MIR2052HG: variants seen among roughly 807,000 people sequenced by gnomAD.
MIR2052HG encodes MIR2052 host gene.
chr8:74,602,826 TTTC>T (rs1808028284), intron 1 of MIR2052HG, among the ~76,000 whole-genome samples: 1 of 127,408 alleles, frequency 7.8e-6, no homozygotes, highest in African/African-American at 3.1e-5. Context: ...TGTTTCTTTC[TTTC>T]TTTCTTTCTT....
intron 4 of MIR2052HG, among the ~76,000 whole-genome samples, chr8:74,748,989 G>A (rs1809915326): frequency 6.6e-6 from 1 of 152,004 alleles, no homozygotes; most frequent in South Asian, 2.1e-4. Context: ...GTGAAACCTG[G>A]GAAGATAATT....
intron 4 of MIR2052HG, among the ~76,000 whole-genome samples, chr8:74,721,578 C>T (rs1586923371): frequency 6.6e-6 from 1 of 152,308 alleles, no homozygotes; most frequent in East Asian, 1.9e-4. Flanking sequence ...ACATGGCTTT[C>T]ATCTGTCAGG....
intron 1 of MIR2052HG, among the ~76,000 whole-genome samples, chr8:74,605,101 T>C (rs1808092202): frequency 2.0e-5 from 3 of 152,212 alleles, no homozygotes; most frequent in South Asian, 4.1e-4. Flanking sequence ...TGTTGCACCC[T>C]AACTTCATTT....
At chr8:74,647,388 A>T (rs1808700239) in intron 2 of MIR2052HG, among the ~76,000 whole-genome samples, 1 of 152,248 alleles carries the variant, frequency 6.6e-6, no homozygotes, top group Admixed American at 6.5e-5. Flanking sequence ...TTGAGGCTCA[A>T]ATAAGTGATG....
At chr8:74,751,062 G>T (rs1440860158) in intron 4 of MIR2052HG, among the ~76,000 whole-genome samples, 5 of 152,090 alleles carry the variant, frequency 3.3e-5, no homozygotes, top group Admixed American at 3.3e-4. Context: ...TTGCAAATTT[G>T]CCCACTCATT....
intron 2 of MIR2052HG, among the ~76,000 whole-genome samples, chr8:74,660,799 A>G (rs968721109): frequency 1.5e-5 from 2 of 135,474 alleles, no homozygotes; most frequent in African/African-American, 3.0e-5. Context: ...TCTTCCTAAG[A>G]GCCCTGAAAT....
intron 5 of MIR2052HG, chr8:74,756,835 AG>A (rs1405536394): frequency 2.0e-5 from 3 of 152,346 alleles, no homozygotes; most frequent in African/African-American, 7.2e-5. Context: ...CCCCAACCCC[AG>A]CACCTAGTAT....
At chr8:74,719,849 C>CTTTTTTTTTTTTTTTTTTTTTTTTTTTTT (rs10647233) in intron 4 of MIR2052HG, among the ~76,000 whole-genome samples, 1 of 106,718 alleles carries the variant, frequency 9.4e-6, no homozygotes, top group Non-Finnish European at 1.8e-5. Context: ...TTTCTTTTTT[C>CTTTTTTTTTTTTTTTTTTTTTTTTTTTTT]TTTTTTTTTT....
intron 2 of MIR2052HG, among the ~76,000 whole-genome samples, chr8:74,644,611 C>G (rs1055700410): frequency 6.6e-6 from 1 of 152,086 alleles, no homozygotes; most frequent in Non-Finnish European, 1.5e-5. Context: ...CCACTTGTCA[C>G]CGGGCACAGT....
chr8:74,735,162 A>G (rs139348073), intron 4 of MIR2052HG, among the ~76,000 whole-genome samples: 5 of 152,336 alleles, frequency 3.3e-5, no homozygotes, highest in African/African-American at 1.2e-4. Context: ...GATGAAACAC[A>G]ATGTAATGTT....
chr8:74,709,584 G>A (rs1809446720), intron 4 of MIR2052HG, among the ~76,000 whole-genome samples: 1 of 151,734 alleles, frequency 6.6e-6, no homozygotes, highest in Non-Finnish European at 1.5e-5. Flanking sequence ...TCTTCATTGG[G>A]GCAATATCTT....
intron 2 of MIR2052HG, among the ~76,000 whole-genome samples, chr8:74,675,468 A>G (rs780232541): frequency 3.9e-5 from 6 of 152,084 alleles, no homozygotes; most frequent in African/African-American, 7.2e-5. Flanking sequence ...ATACTCTGCC[A>G]TCTTATGTAA....
chr8:74,650,582 TGC>T (rs1380311470), intron 2 of MIR2052HG, among the ~76,000 whole-genome samples: 1 of 152,142 alleles, frequency 6.6e-6, no homozygotes, highest in Non-Finnish European at 1.5e-5. Context: ...TTCTGTGTGG[TGC>T]GATAGATGAG....
intron 4 of MIR2052HG, among the ~76,000 whole-genome samples, chr8:74,729,791 G>T (rs1441626715): frequency 6.6e-6 from 1 of 152,116 alleles, no homozygotes; most frequent in Non-Finnish European, 1.5e-5. Flanking sequence ...TAAAGATATT[G>T]TCAGCTTCCT....
rs71565409 is a variant in MIR2052HG, at chr8:74,733,049, C to CATTTATTT, written n.372-19359_372-19352dup. ...ACCTAATCAGAGACCAATTAGGAGA[C>CATTTATTT]ATTTATTTATTTATTTATTTATTTA... On this transcript the variant is annotated intron_variant and non_coding_transcript_variant, in intron 4 of 6. Transcript: ENST00000523442. Among the ~76,000 whole-genome samples, 861 of 148,934 alleles carry CATTTATTT rather than the reference C, an allele frequency of 5.8e-3. 9 individuals are homozygous for CATTTATTT. The highest frequency in any genetic ancestry group is 0.013 in the African/African-American group (537 of 39,890).
chr8:74,652,236 C>A (rs75944995), intron 2 of MIR2052HG, among the ~76,000 whole-genome samples: 6,811 of 152,286 alleles, frequency 0.045, 230 homozygotes, highest in Non-Finnish European at 0.053. Flanking sequence ...TGTGGGAGCA[C>A]ACTGCCTTTT....
intron 2 of MIR2052HG, among the ~76,000 whole-genome samples, chr8:74,622,074 C>T (rs1198163913): frequency 6.6e-6 from 1 of 152,066 alleles, no homozygotes; most frequent in Non-Finnish European, 1.5e-5. Flanking sequence ...ATCCAAAAAG[C>T]ACCTGCACCG....
In MIR2052HG at chr8:74,697,894, A is replaced by C. The variant is rs142826111; in HGVS notation, n.217-4485A>C. 2.4e-3 allele frequency among the ~76,000 whole-genome samples: 359 copies of C among 152,320 alleles called. 1 individual carries two copies. The highest frequency in any genetic ancestry group is 7.9e-3 in the African/African-American group (330 of 41,574). On this transcript the variant is annotated intron_variant and non_coding_transcript_variant, in intron 2 of 6. Coordinates refer to ENST00000523442, the Ensembl canonical transcript of MIR2052HG. The stretch of plus-strand genomic sequence containing the variant: ...ATTAAAATGCATCCCATGCTCATGG[A>C]TGGGTAGAATCAATATTGTGAAAAT...
chr8:74,681,089 G>A (rs1328452053), intron 2 of MIR2052HG, among the ~76,000 whole-genome samples: 1 of 148,728 alleles, frequency 6.7e-6, no homozygotes, highest in Admixed American at 6.7e-5. Flanking sequence ...GGGAGGGATA[G>A]CATTGGGAGA....
Sources: allele counts gnomAD v4.1 joint callset (sites outside exome capture counted in the v4.1 genomes callset), GRCh38; gene constraint gnomAD v4.1.1; transcripts MANE v1.5; gene names NCBI Gene and HGNC (gene_info 2026-07-23, HGNC 2026-07-21).